Variants in LRBA observed in about 807,000 individuals in gnomAD.
The protein encoded by LRBA is LPS responsive beige-like anchor protein.
A neutral mutation model predicts 330.0 loss-of-function variants in LRBA; 176 were observed. The ratio of observed to expected loss-of-function variants is 0.53; its 90% CI spans 0.47 to 0.60. LRBA has a LOEUF of 0.60. Among genes scored for constraint, LRBA ranks in the 20% least tolerant of loss-of-function variants. The probability of loss-of-function intolerance (pLI) is 0.00; values close to 1 mark genes in which losing one functional copy is unlikely to be tolerated. For synonymous variants in LRBA, 1,230 were observed against 1,193.0 expected (o/e 1.03, Z -0.64); for missense variants, 3,259 against 3,444.8 (o/e 0.95, Z 1.35).
intron 48 of LRBA, among the ~76,000 whole-genome samples, chr4:150,329,334 C>T (rs147032332): frequency 1.4e-3 from 212 of 152,286 alleles, no homozygotes; most frequent in African/African-American, 4.9e-3. Context: ...GATCTCAAAA[C>T]TTTATAGTCA....
chr4:150,860,967 A>G (rs1275530440), intron 22 of LRBA, among the ~76,000 whole-genome samples: 8 of 152,194 alleles, frequency 5.3e-5, no homozygotes, highest in African/African-American at 1.9e-4. Flanking sequence ...ATCACCTACT[A>G]TATACCTAGA....
chr4:150,806,177 T>TA, intron 33 of LRBA, 94 bp downstream of exon 33: 1 of 977,364 alleles, frequency 1.0e-6, no homozygotes, highest in East Asian at 2.8e-5. Context: ...TGACAACACT[T>TA]AAACAATGAA....
chr4:150,885,937 G>T (rs1728899051), intron 17 of LRBA, among the ~76,000 whole-genome samples: 1 of 152,020 alleles, frequency 6.6e-6, no homozygotes, highest in Admixed American at 6.6e-5. Context: ...AATATGCCTT[G>T]TAAGAAATAA....
At chr4:150,761,318 T>C (rs115812852) in intron 35 of LRBA, among the ~76,000 whole-genome samples, 2,012 of 152,234 alleles carry the variant, frequency 0.013, 18 homozygotes, top group Middle Eastern at 0.024. Context: ...CTGTTTCTGT[T>C]CTTTAAGTAG....
At chr4:150,347,161 G>A (rs1736485073) in intron 48 of LRBA, among the ~76,000 whole-genome samples, 1 of 152,188 alleles carries the variant, frequency 6.6e-6, no homozygotes, top group Non-Finnish European at 1.5e-5. Context: ...AGGTATTCAG[G>A]GTAGTCAAAT....
At chr4:150,991,973 C>T (rs766845454) in intron 2 of LRBA, among the ~76,000 whole-genome samples, 4 of 152,118 alleles carry the variant, frequency 2.6e-5, no homozygotes, top group Non-Finnish European at 5.9e-5. Flanking sequence ...AAGTCTGTCT[C>T]AGAGTGAGGC....
intron 46 of LRBA, among the ~76,000 whole-genome samples, chr4:150,421,492 G>C (rs1034958081): frequency 1.3e-5 from 2 of 151,694 alleles, no homozygotes; most frequent in African/African-American, 4.8e-5. Flanking sequence ...ACCTTAGGTA[G>C]AAATGAAGGG....
intron 28 of LRBA, among the ~76,000 whole-genome samples, chr4:150,835,397 G>A (rs571420731): frequency 6.6e-6 from 1 of 152,178 alleles, no homozygotes; most frequent in African/African-American, 2.4e-5. Context: ...ACCTTGGGCA[G>A]TATGGCCATT....
At chr4:150,340,166 A>G (rs1260627181) in intron 48 of LRBA, among the ~76,000 whole-genome samples, 1 of 152,162 alleles carries the variant, frequency 6.6e-6, no homozygotes, top group African/African-American at 2.4e-5. Context: ...AACTGAGTCA[A>G]TTAAACCTCT....
chr4:150,660,788 GA>G (rs1205045914), intron 37 of LRBA, among the ~76,000 whole-genome samples: 1 of 123,078 alleles, frequency 8.1e-6, no homozygotes, highest in African/African-American at 3.0e-5. Flanking sequence ...TGTGCTCTCT[GA>G]AACATGTGCT....
chr4:150,355,981 T>C (rs1020901933), intron 47 of LRBA, among the ~76,000 whole-genome samples: 3 of 152,088 alleles, frequency 2.0e-5, no homozygotes, highest in Non-Finnish European at 4.4e-5. Context: ...AACTGGTCTG[T>C]TATGTTTGCA....
At chr4:150,417,251 A>C (rs1747903216) in intron 46 of LRBA, among the ~76,000 whole-genome samples, 1 of 152,172 alleles carries the variant, frequency 6.6e-6, no homozygotes, top group Non-Finnish European at 1.5e-5. Context: ...CAATTGTTAT[A>C]TAAATAATTG....
chr4:150,621,268 C>T (rs1170870816), intron 37 of LRBA, among the ~76,000 whole-genome samples: 1 of 152,056 alleles, frequency 6.6e-6, no homozygotes, highest in African/African-American at 2.4e-5. Flanking sequence ...ACATGATCTC[C>T]CTTATCATTT....
rs867624138 is a variant in LRBA, at chr4:150,579,779, C to A, written c.6330+8269G>T. The A allele has an allele frequency of 1.3e-5, 6 of 453,278 alleles. No individual in the cohort carries two copies. The Middle Eastern group carries it at 1.5e-3, about 113-fold the overall frequency. 28.1% of individuals were successfully genotyped at this position (453,278 alleles called of 1,614,324 possible). ...CTTGCGGCGCGGCGGCGGAGCCATG[C>A]GAACCAACTCCGCCACCCCTGAGGC... On this transcript the variant is annotated intron_variant, in intron 40 of 56. Coordinates refer to ENST00000651943, the MANE Select transcript of LRBA (RefSeq NM_001364905.1).
chr4:150,299,487 A>T (rs1200373882), intron 53 of LRBA, among the ~76,000 whole-genome samples: 2 of 152,068 alleles, frequency 1.3e-5, no homozygotes, highest in Non-Finnish European at 2.9e-5. Flanking sequence ...TTTACACTTG[A>T]TCTTAGCCAA....
chr4:150,644,061 C>T (rs1294474627), intron 37 of LRBA, among the ~76,000 whole-genome samples: 1 of 151,762 alleles, frequency 6.6e-6, no homozygotes, highest in East Asian at 1.9e-4. Flanking sequence ...TTCTTATTAC[C>T]AGTGTGTACC....
At chr4:150,518,391 T>C (rs1452372933) in intron 40 of LRBA, among the ~76,000 whole-genome samples, 2 of 152,218 alleles carry the variant, frequency 1.3e-5, no homozygotes, top group Non-Finnish European at 2.9e-5. Context: ...ATTTTTTATT[T>C]ACAATTTTCA....
chr4:150,671,230 C>A (rs1021043860), intron 37 of LRBA, among the ~76,000 whole-genome samples: 1 of 152,074 alleles, frequency 6.6e-6, no homozygotes. Flanking sequence ...ATGATTCAAC[C>A]CTTCCTGTAT....
chr4:150,872,607 T>C lies in LRBA; in HGVS notation c.2258+56A>G. 10 of 1,186,794 alleles carry C rather than the reference T, an allele frequency of 8.4e-6. No individual in the cohort carries two copies. The South Asian group carries it at 1.3e-4, about 16-fold the overall frequency. The allele number at this position is 1,186,794 out of a possible 1,614,324, so 73.5% of individuals were successfully genotyped here. On this transcript the variant is annotated intron_variant, in intron 18 of 56. Transcript: ENST00000651943. Reference sequence around the variant, plus strand: ...TAGAACAAAATTACTACTGCAAAGATTTATAAAATAAATAAGTAGAATACA... The same window carrying C: ...TAGAACAAAATTACTACTGCAAAGACTTATAAAATAAATAAGTAGAATACA...
Sources: allele counts gnomAD v4.1 joint callset (sites outside exome capture counted in the v4.1 genomes callset), GRCh38; gene constraint gnomAD v4.1.1; transcripts MANE v1.5; gene names NCBI Gene and HGNC (gene_info 2026-07-23, HGNC 2026-07-21).